PI16: variants seen among roughly 807,000 people sequenced by gnomAD.
The protein encoded by PI16 is peptidase inhibitor 16, also known as PSP94-binding protein.
Under a neutral mutation model 38.0 loss-of-function variants are expected in PI16, and 35 were observed. That is an observed-to-expected ratio of 0.92 (90% CI 0.70 to 1.22). PI16 has a LOEUF of 1.22. Ranked by LOEUF, PI16 falls within the 50% of genes most tolerant of loss-of-function variation. The probability of loss-of-function intolerance (pLI) is 0.00; values close to 1 mark genes in which losing one functional copy is unlikely to be tolerated. For missense variants in PI16, 572 were observed against 593.8 expected, an observed-to-expected ratio of 0.96 and a Z score of 0.38; for synonymous variants, 275 against 252.9, an observed-to-expected ratio of 1.09 and a Z score of -0.83.
upstream of PI16, among the ~76,000 whole-genome samples, chr6:36,949,909 C>T (rs28410947): frequency 3.5e-3 from 518 of 149,730 alleles, 4 homozygotes; most frequent in African/African-American, 0.012. Flanking sequence ...TTTTTTTTCT[C>T]ATGGTGGCTC....
upstream of PI16, among the ~76,000 whole-genome samples, chr6:36,950,070 G>A (rs1763074542): frequency 6.6e-6 from 1 of 152,044 alleles, no homozygotes; most frequent in African/African-American, 2.4e-5. This position sits in a 1 kb window ranked among gnomAD's most constrained non-coding sequence, Gnocchi z 4.2. Context: ...CCATGTTTAT[G>A]TGTCCAGTTC....
chr6:36,961,993 G>T lies in PI16; in HGVS notation c.592+19G>T, dbSNP rs766787618. The T allele has an allele frequency of 1.7e-5, 27 of 1,596,800 alleles. No homozygotes were observed. The Admixed American group carries it at 4.5e-4, about 27-fold the overall frequency. ...CTCTGTGGTGAGTCCACGGGTGGAT[G>T]GGTAGGGGCAGGGGGTGTGGAAATG... On this transcript the variant is annotated intron_variant, in intron 4 of 6. Transcript: ENST00000373674.
Position 36,962,087 on chromosome 6 carries a change from G to C in PI16, c.592+113G>C. On this transcript the variant is annotated intron_variant, in intron 4 of 6. Coordinates refer to ENST00000373674, the MANE Select transcript of PI16 (RefSeq NM_153370.3). This position sits in a 1 kb window ranked among gnomAD's most constrained non-coding sequence, Gnocchi z 4.1. ...CGGGACGTGGGCAGGGAAGGAGCCT[G>C]GTGGGATGCGACCACCGGGGGCCCC... 1 of 833,588 alleles carries C rather than the reference G, an allele frequency of 1.2e-6. No individual in the cohort carries two copies. The highest frequency in any genetic ancestry group is 1.9e-6 in the Non-Finnish European group (1 of 518,678). The allele number at this position is 833,588 out of a possible 1,614,324, so 51.6% of individuals were successfully genotyped here.
At position 36,962,824 on chromosome 6, in the gene PI16, GTGTT is replaced by G. The variant is rs1330944492; in HGVS notation, c.593-107_593-104del. 38 of 892,368 alleles carry G rather than the reference GTGTT, an allele frequency of 4.3e-5. No individual in the cohort carries two copies. Among genetic ancestry groups the G allele is most frequent in the Non-Finnish European group, 6.1e-5 (36 of 585,732 alleles). 55.3% of individuals were successfully genotyped at this position (892,368 alleles called of 1,614,324 possible). ...ATATCAGCTGGAGAAGTGTATGTGT[GTGTT>G]TGTGTGTCCTGGTAGGACATTTGGT... is the stretch of plus-strand genomic sequence containing the variant. On this transcript the variant is annotated intron_variant, in intron 4 of 6. Coordinates refer to ENST00000373674, the MANE Select transcript of PI16 (RefSeq NM_153370.3). This position sits in a 1 kb window ranked among gnomAD's most constrained non-coding sequence, Gnocchi z 4.1.
At chr6:36,949,954 C>T (rs890707879), upstream of PI16, among the ~76,000 whole-genome samples, 3 of 151,902 alleles carry the variant, frequency 2.0e-5, no homozygotes, top group African/African-American at 4.8e-5. Context: ...CCTCCAGACA[C>T]GATTTTTCCT....
upstream of PI16, among the ~76,000 whole-genome samples, chr6:36,949,893 TA>T (rs761561059): frequency 1.3e-4 from 20 of 152,110 alleles, no homozygotes; most frequent in Non-Finnish European, 2.9e-4. Flanking sequence ...TAAAGTTGGA[TA>T]TTTTTTTTTT....
chr6:36,950,525 A>G (rs1178438289), upstream of PI16, among the ~76,000 whole-genome samples: 1 of 151,914 alleles, frequency 6.6e-6, no homozygotes, highest in Non-Finnish European at 1.5e-5. This position sits in a 1 kb window ranked among gnomAD's most constrained non-coding sequence, Gnocchi z 4.2. Context: ...CCGGTGTACA[A>G]ATATATTTGT....
upstream of PI16, among the ~76,000 whole-genome samples, chr6:36,950,024 G>A (rs1366569354): frequency 6.6e-6 from 1 of 151,986 alleles, no homozygotes; most frequent in Non-Finnish European, 1.5e-5. This position sits in a 1 kb window ranked among gnomAD's most constrained non-coding sequence, Gnocchi z 4.2. Context: ...GGTTGTTACT[G>A]TGGTAAAATA....
intron 2 of PI16, among the ~76,000 whole-genome samples, chr6:36,960,403 C>A (rs1250690351): frequency 6.7e-6 from 1 of 149,808 alleles, no homozygotes. Flanking sequence ...TATTTTTTCT[C>A]CTCCCAGTGC....
At chr6:36,954,068 A>C (rs1465068410), upstream of PI16, among the ~76,000 whole-genome samples, 1 of 152,212 alleles carries the variant, frequency 6.6e-6, no homozygotes, top group Non-Finnish European at 1.5e-5. Flanking sequence ...TTGCCTCCAC[A>C]GGGGGCTGGT....
rs1398272669 is a variant in PI16, at chr6:36,962,921, G to A, written c.593-14G>A. 5 of 1,595,628 alleles carry A rather than the reference G, an allele frequency of 3.1e-6. No individual in the cohort carries two copies. Among genetic ancestry groups the A allele is most frequent in the Admixed American group, 1.7e-5 (1 of 57,794 alleles). On this transcript the variant is annotated splice_polypyrimidine_tract_variant and intron_variant, in intron 4 of 6. Coordinates refer to ENST00000373674, the MANE Select transcript of PI16 (RefSeq NM_153370.3). This position sits in a 1 kb window ranked among gnomAD's most constrained non-coding sequence, Gnocchi z 4.1. ...GCTTGCAGCACTCATGCCCGTTCTCGTCTGTCTTATCAGAACCCATCGGAA... is the reference window on the plus strand; with the variant it reads ...GCTTGCAGCACTCATGCCCGTTCTCATCTGTCTTATCAGAACCCATCGGAA...
intron 2 of PI16, among the ~76,000 whole-genome samples, chr6:36,960,833 G>A (rs1170665254): frequency 1.3e-5 from 2 of 152,022 alleles, no homozygotes; most frequent in Non-Finnish European, 2.9e-5. Context: ...GAGATTCCTG[G>A]GCAGATTGAA....
intron 1 of PI16, among the ~76,000 whole-genome samples, chr6:36,955,510 C>T (rs1763180190): frequency 6.6e-6 from 1 of 152,104 alleles, no homozygotes; most frequent in Admixed American, 6.6e-5. Context: ...CCTACAAGAC[C>T]TATGATTCGA....
chr6:36,961,360 C>T (rs1432886338), intron 2 of PI16, 91 bp from the exon 3 acceptor site: 2 of 1,141,370 alleles, frequency 1.8e-6, no homozygotes, highest in Non-Finnish European at 2.7e-6. Context: ...TGCCTCTTCT[C>T]TCCACTCCTG....
chr6:36,961,981 C>A lies in PI16; in HGVS notation c.592+7C>A, dbSNP rs1445557410. Reference sequence around the variant, plus strand: ...TGCAAGAACTCCCTCTGTGGTGAGTCCACGGGTGGATGGGTAGGGGCAGGG... The same window carrying A: ...TGCAAGAACTCCCTCTGTGGTGAGTACACGGGTGGATGGGTAGGGGCAGGG... On this transcript the variant is annotated splice_region_variant and intron_variant, in intron 4 of 6. Coordinates refer to ENST00000373674, the MANE Select transcript of PI16 (RefSeq NM_153370.3). 1.9e-6 allele frequency: 3 copies of A among 1,610,290 alleles called. No individual in the cohort carries two copies. Among genetic ancestry groups the A allele is most frequent in the Non-Finnish European group, 2.5e-6 (3 of 1,176,540 alleles).
chr6:36,953,656 A>G (rs751268763), upstream of PI16, among the ~76,000 whole-genome samples: 3 of 152,162 alleles, frequency 2.0e-5, no homozygotes, highest in Non-Finnish European at 2.9e-5. Flanking sequence ...CTATTCATTG[A>G]AGAAGCAGGC....
chr6:36,958,101 G>C (rs1763252442), intron 1 of PI16, among the ~76,000 whole-genome samples: 1 of 152,250 alleles, frequency 6.6e-6, no homozygotes, highest in Non-Finnish European at 1.5e-5. Flanking sequence ...GCTCCTGAAA[G>C]CCTTGAGTGG....
chr6:36,963,091 G>A lies in PI16; in HGVS notation c.749G>A (p.Gly250Asp). 3 of 1,614,158 alleles carry A rather than the reference G, an allele frequency of 1.9e-6. No individual in the cohort carries two copies. Among genetic ancestry groups the A allele is most frequent in the Non-Finnish European group, 2.5e-6 (3 of 1,180,032 alleles). The change falls in exon 5 of 7, where the codon GGC (glycine) becomes GAC (aspartate). Residue 250 changes from glycine to aspartate, a missense_variant. Physicochemically the swap from Gly to Asp is moderately conservative, Grantham distance 94. Coordinates refer to ENST00000373674, the MANE Select transcript of PI16 (RefSeq NM_153370.3). ...IPAFLVTEVS[G>D]SLATKALPAV... ...GCTTTCTTGGTAACAGAGGTCTCAG[G>A]CTCCCTGGCAACCAAGGCTCTGCCT...
At position 36,959,178 on chromosome 6, in the gene PI16, G is replaced by T. The variant is rs1763281571; in HGVS notation, c.205G>T (p.Ala69Ser). The change falls in exon 2 of 7, where the codon GCC becomes TCC. Residue 69 changes from alanine to serine, a missense_variant. Ala to Ser is a moderately conservative substitution (Grantham distance 99). Transcript: ENST00000373674. ...CGAGGAGCTGGCCGCCTTCGCCAAG[G>T]CCTACGCACGGCAGTGCGTGTGGGG... Reference protein sequence around the residue: ...WDEELAAFAKAYARQCVWGHN... With the variant: ...WDEELAAFAKSYARQCVWGHN... 6.2e-7 allele frequency: 1 copy of T among 1,610,800 alleles called. No individual in the cohort carries two copies. The highest frequency in any genetic ancestry group is 2.2e-5 in the East Asian group (1 of 44,808).
Sources: allele counts gnomAD v4.1 joint callset (sites outside exome capture counted in the v4.1 genomes callset), GRCh38; gene constraint gnomAD v4.1.1; non-coding constraint Gnocchi (gnomAD v3.1); transcripts MANE v1.5; gene names NCBI Gene and HGNC (gene_info 2026-07-23, HGNC 2026-07-21).